Variants in R3HDM4 observed in about 807,000 individuals in gnomAD.
R3HDM4 encodes R3H domain-containing protein 4.
A neutral mutation model predicts 31.3 loss-of-function variants in R3HDM4; 30 were observed. That is an observed-to-expected ratio of 0.96 (90% CI 0.72 to 1.30). The LOEUF (loss-of-function observed/expected upper bound fraction) is 1.30. Among genes scored for constraint, R3HDM4 ranks in the 50% most tolerant of loss-of-function variants. R3HDM4 has a pLI of 0.00. For synonymous variants in R3HDM4, 196 were observed against 156.6 expected (o/e 1.25, Z -1.88); for missense variants, 444 against 366.1 (o/e 1.21, Z -1.74).
In R3HDM4 at chr19:913,052, CCGGCGCCCGCCGCG is replaced by C; in HGVS notation, c.71+21_71+34del. ...TCAGGGGAGGGAGCCCAGCCCGCCC[CCGGCGCCCGCCGCG>C]CCCCGCCCGCCCGCGCTCACAGCAG... On this transcript the variant is annotated intron_variant, in intron 1 of 7. Transcript: ENST00000361574. This position sits in a 1 kb window ranked among gnomAD's most constrained non-coding sequence, Gnocchi z 5.0. 3.2e-6 allele frequency: 3 copies of C among 932,134 alleles called. No individual in the cohort carries two copies. The highest frequency in any genetic ancestry group is 2.6e-6 in the Non-Finnish European group (2 of 769,898). 57.7% of individuals were successfully genotyped at this position (932,134 alleles called of 1,614,324 possible).
rs570474579 is a variant in R3HDM4, at chr19:897,400, T to A, written c.*37A>T. ...CGAAGGTATCGGAGGGCTTGATGGC[T>A]GGGCGAGGTGGCAGCGGGGTCTCCG... is the stretch of plus-strand genomic sequence containing the variant. On this transcript the variant is annotated 3_prime_UTR_variant, in exon 8 of 8. Transcript: ENST00000361574. 1.4e-6 allele frequency: 2 copies of A among 1,460,432 alleles called. No homozygotes were observed. Among genetic ancestry groups the A allele is most frequent in the Non-Finnish European group, 1.9e-6 (2 of 1,069,808 alleles). The allele number at this position is 1,460,432 out of a possible 1,614,324, so 90.5% of individuals were successfully genotyped here.
chr19:898,658 C>T (rs754942634), intron 7 of R3HDM4, among the ~76,000 whole-genome samples: 7 of 152,064 alleles, frequency 4.6e-5, no homozygotes, highest in Non-Finnish European at 1.0e-4. Context: ...GTGAGCTCCG[C>T]GCCTCAGCAG....
chr19:913,024 A>C lies in R3HDM4; in HGVS notation c.71+63T>G. The C allele has an allele frequency of 1.6e-6, 1 of 607,568 alleles. No homozygotes were observed. The highest frequency in any genetic ancestry group is 2.1e-6 in the Non-Finnish European group (1 of 476,844). 37.6% of individuals were successfully genotyped at this position (607,568 alleles called of 1,614,324 possible). A position where few individuals can be genotyped will look rare whatever the true frequency, so the allele number is the denominator to read the frequency against. On this transcript the variant is annotated intron_variant, in intron 1 of 7. Transcript: ENST00000361574. The surrounding 1 kb of genome is among the most constrained non-coding windows in gnomAD (Gnocchi z 5.0). ...GGAGGGGAGGGGAGGCGGGGAGAGGATCTCAGGGGAGGGAGCCCAGCCCGC... is the reference window on the plus strand; with the variant it reads ...GGAGGGGAGGGGAGGCGGGGAGAGGCTCTCAGGGGAGGGAGCCCAGCCCGC...
At chr19:902,413 C>A in intron 1 of R3HDM4, 1 of 384,334 alleles carries the variant, frequency 2.6e-6, no homozygotes. Flanking sequence ...GGTTCAAGAC[C>A]AGCCTGAGCA....
intron 1 of R3HDM4, among the ~76,000 whole-genome samples, chr19:903,663 G>A (rs2036866276): frequency 6.6e-6 from 1 of 152,222 alleles, no homozygotes; most frequent in Non-Finnish European, 1.5e-5. Flanking sequence ...CCCAAGGTGG[G>A]TGGATCCCTT....
rs750317177 is a variant in R3HDM4, at chr19:900,164, C to G, written c.476-18G>C. ...GGGGTCCTCTGCAGGAGTGGGGGAA[C>G]AAGGGGCAGTCTTGGGGTGCTCGTC... On this transcript the variant is annotated intron_variant, in intron 4 of 7. Transcript: ENST00000361574. 20 of 1,546,120 alleles carry G rather than the reference C, an allele frequency of 1.3e-5. No homozygotes were observed. In the Admixed American group the frequency reaches 3.9e-4, roughly 30 times the overall value.
rs536021081 is a variant in R3HDM4, at chr19:904,377, C to G, written c.72-2247G>C. Among the ~76,000 whole-genome samples, 6 of 152,292 alleles carry G rather than the reference C, an allele frequency of 3.9e-5. No homozygotes were observed. The South Asian group carries it at 1.2e-3, about 32-fold the overall frequency. On this transcript the variant is annotated intron_variant, in intron 1 of 7. Transcript: ENST00000361574. ...ACGCTCAGAAAAATAACCACCAAAT[C>G]AATCCTCAATAAAAATTCTGTGATT... is the stretch of plus-strand genomic sequence containing the variant.
Position 899,394 on chromosome 19 carries a change from A to C in R3HDM4, c.703+46T>G, listed in dbSNP as rs1187859419. The stretch of plus-strand genomic sequence containing the variant: ...CCCCTGGGACCCTGGCCACTTTCCC[A>C]GGTTGAGCTGGCCAACTTGGGGTCT... On this transcript the variant is annotated intron_variant, in intron 7 of 7. Transcript: ENST00000361574. This position sits in a 1 kb window ranked among gnomAD's most constrained non-coding sequence, Gnocchi z 6.8. 6.3e-7 allele frequency: 1 copy of C among 1,598,466 alleles called. No individual in the cohort carries two copies. The highest frequency in any genetic ancestry group is 8.6e-7 in the Non-Finnish European group (1 of 1,167,550).
chr19:911,052 C>T (rs1008650796), intron 1 of R3HDM4, among the ~76,000 whole-genome samples: 9 of 151,758 alleles, frequency 5.9e-5, no homozygotes, highest in Admixed American at 2.0e-4. Context: ...ACCCAGGAGG[C>T]GGAGCTTGCA....
At chr19:901,391 G>T in intron 3 of R3HDM4, 31 bp downstream of exon 3, 1 of 1,592,934 alleles carries the variant, frequency 6.3e-7, no homozygotes. Flanking sequence ...GGGTCCCCGT[G>T]TGGAGGGAGT....
At position 897,513 on chromosome 19, in the gene R3HDM4, A is replaced by G. The variant is rs2036755689; in HGVS notation, c.731T>C (p.Met244Thr). The G allele has an allele frequency of 6.2e-7, 1 of 1,613,020 alleles. No homozygotes were observed. The highest frequency in any genetic ancestry group is 8.5e-7 in the Non-Finnish European group (1 of 1,179,692). ...ATCCAGGTGCCGATTACTGACCTTC[A>G]TCTGCCGCTTCCCCTCCAGGTCAGC... is the stretch of plus-strand genomic sequence containing the variant. The part of the protein sequence containing the change: ...ASADLEGKRQ[M>T]KVSNRHLDFL... The change falls in exon 8 of 8, where the codon ATG becomes ACG. Residue 244 changes from methionine (M) to threonine (T), a missense_variant. By Grantham distance (81) the Met-to-Thr change is moderately conservative. Coordinates refer to ENST00000361574, the MANE Select transcript of R3HDM4 (RefSeq NM_138774.4).
At chr19:902,510 G>A (rs1039867252) in intron 1 of R3HDM4, 3 of 192,516 alleles carry the variant, frequency 1.6e-5, no homozygotes, top group Admixed American at 5.3e-5. Flanking sequence ...CCGGTGTGCT[G>A]GTACATGCCT....
chr19:911,479 T>C (rs1001787763), intron 1 of R3HDM4, among the ~76,000 whole-genome samples: 4 of 152,162 alleles, frequency 2.6e-5, no homozygotes, highest in African/African-American at 9.7e-5. Flanking sequence ...CAATAAAACA[T>C]TAACGATAAT....
At chr19:908,997 G>A (rs1433602053) in intron 1 of R3HDM4, among the ~76,000 whole-genome samples, 1 of 152,160 alleles carries the variant, frequency 6.6e-6, no homozygotes, top group Non-Finnish European at 1.5e-5. Context: ...CACCTCCCAA[G>A]GGCTGGTTCA....
At position 899,309 on chromosome 19, in the gene R3HDM4, G is replaced by A; in HGVS notation, c.703+131C>T. On this transcript the variant is annotated intron_variant, in intron 7 of 7. Coordinates refer to ENST00000361574, the MANE Select transcript of R3HDM4 (RefSeq NM_138774.4). The surrounding 1 kb of genome is among the most constrained non-coding windows in gnomAD (Gnocchi z 6.8). ...TCCCACTGCCACCCCTGAGTTCGTA[G>A]CGTCCCCACTCCAGCCCCCTTCCCC... The A allele has an allele frequency of 1.1e-6, 1 of 899,742 alleles. No homozygotes were observed. Among genetic ancestry groups the A allele is most frequent in the Admixed American group, 2.2e-5 (1 of 45,594 alleles). 55.7% of individuals were successfully genotyped at this position (899,742 alleles called of 1,614,324 possible).
At position 899,553 on chromosome 19, in the gene R3HDM4, C is replaced by T; in HGVS notation, c.647+48G>A. ...GGCTGCAGCGTGGGGTGTCCGCCCA[C>T]CTGGCCGCAGCCTCGGAGGGTCCGC... is the stretch of plus-strand genomic sequence containing the variant. On this transcript the variant is annotated intron_variant, in intron 6 of 7. Transcript: ENST00000361574. The surrounding 1 kb of genome is among the most constrained non-coding windows in gnomAD (Gnocchi z 6.8). The T allele has an allele frequency of 6.2e-7, 1 of 1,612,518 alleles. No individual in the cohort carries two copies. Among genetic ancestry groups the T allele is most frequent in the South Asian group, 1.1e-5 (1 of 91,044 alleles).
intron 7 of R3HDM4, among the ~76,000 whole-genome samples, chr19:898,206 AC>A (rs2036766058): frequency 7.4e-6 from 1 of 134,662 alleles, no homozygotes; most frequent in Non-Finnish European, 1.6e-5. Context: ...ACACAGTGAA[AC>A]CCTGTCTCTA....
intron 1 of R3HDM4, among the ~76,000 whole-genome samples, chr19:905,996 T>G (rs897147723): frequency 4.6e-5 from 7 of 151,396 alleles, no homozygotes; most frequent in African/African-American, 1.7e-4. Flanking sequence ...GCCCAGGGTG[T>G]GAACCCCAGC....
chr19:897,526 C>G lies in R3HDM4; in HGVS notation c.718G>C (p.Gly240Arg), dbSNP rs917930810. 3 of 1,612,272 alleles carry G rather than the reference C, an allele frequency of 1.9e-6. No homozygotes were observed. The African/African-American group carries it at 4.0e-5, about 22-fold the overall frequency. Residue 240 changes from glycine to arginine, a missense_variant, in exon 8 of 8, where the codon GGG (glycine) becomes CGG (arginine). By Grantham distance (125) the Gly-to-Arg change is moderately radical (BLOSUM62 -2). Transcript: ENST00000361574. ...DLISASADLE[G>R]KRQMKVSNRH... ...TTACTGACCTTCATCTGCCGCTTCC[C>G]CTCCAGGTCAGCACCTGCAGACGGG... is the stretch of plus-strand genomic sequence containing the variant.
Sources: allele counts gnomAD v4.1 joint callset (sites outside exome capture counted in the v4.1 genomes callset), GRCh38; gene constraint gnomAD v4.1.1; non-coding constraint Gnocchi (gnomAD v3.1); transcripts MANE v1.5; gene names NCBI Gene and HGNC (gene_info 2026-07-23, HGNC 2026-07-21).